PDE5A: variants seen among roughly 807,000 people sequenced by gnomAD.
PDE5A encodes cGMP-specific 3',5'-cyclic phosphodiesterase.
In PDE5A, 67 loss-of-function variants were observed where a neutral mutation model predicts 110.2. The observed-to-expected ratio is 0.61, with a 90% CI of 0.50 to 0.75. The LOEUF (loss-of-function observed/expected upper bound fraction) is 0.75, where lower values mean the gene tolerates loss of function less well. Among genes scored for constraint, PDE5A ranks in the 30% least tolerant of loss-of-function variants. The probability of loss-of-function intolerance (pLI) is 0.00; values close to 1 mark genes in which losing one functional copy is unlikely to be tolerated. For missense variants in PDE5A, 862 were observed against 1,045.1 expected, an observed-to-expected ratio of 0.82 and a Z score of 2.42; for synonymous variants, 328 against 351.2, an observed-to-expected ratio of 0.93 and a Z score of 0.74.
rs545532309 is a variant in PDE5A, at chr4:119,568,746, C to G, written c.832-1602G>C. Among the ~76,000 whole-genome samples, 37 of 152,156 alleles carry G rather than the reference C, an allele frequency of 2.4e-4. No individual in the cohort carries two copies. The South Asian group carries it at 4.2e-3, about 17-fold the overall frequency. Reference sequence around the variant, plus strand: ...CAAAGTAAAGACATAAACTTTAAATCTGTGTTTTAAGAAAGATGAGTTTCA... The same window carrying G: ...CAAAGTAAAGACATAAACTTTAAATGTGTGTTTTAAGAAAGATGAGTTTCA... On this transcript the variant is annotated intron_variant, in intron 3 of 20. Coordinates refer to ENST00000354960, the MANE Select transcript of PDE5A (RefSeq NM_001083.4).
chr4:119,540,171 A>C (rs929143905), intron 10 of PDE5A, among the ~76,000 whole-genome samples: 4 of 152,108 alleles, frequency 2.6e-5, no homozygotes, highest in Admixed American at 2.0e-4. Flanking sequence ...TACAAAAAAA[A>C]CCCCAAAAGC....
At chr4:119,562,791 TTCTG>T in intron 6 of PDE5A, 38 bp downstream of exon 6, 3 of 1,454,270 alleles carry the variant, frequency 2.1e-6, no homozygotes, top group Non-Finnish European at 2.7e-6. Flanking sequence ...AAATATAAGT[TTCTG>T]TCTTTCTAAA....
intron 9 of PDE5A, chr4:119,549,325 C>G (rs2110493323): frequency 6.6e-6 from 1 of 152,240 alleles, no homozygotes; most frequent in South Asian, 2.1e-4. Context: ...AACAGGCTAA[C>G]AGAACAAGTT....
chr4:119,585,954 T>TGA (rs2110525994), intron 3 of PDE5A, among the ~76,000 whole-genome samples: 1 of 152,246 alleles, frequency 6.6e-6, no homozygotes, highest in Admixed American at 6.5e-5. Flanking sequence ...CAAGAACCTC[T>TGA]TGAAAATGGA....
intron 3 of PDE5A, among the ~76,000 whole-genome samples, chr4:119,582,261 T>G (rs1185814669): frequency 6.6e-6 from 1 of 152,216 alleles, no homozygotes; most frequent in Non-Finnish European, 1.5e-5. Flanking sequence ...ACAGCAGGGA[T>G]AGAGTCCATC....
chr4:119,573,215 T>C (rs1165530764), intron 3 of PDE5A, among the ~76,000 whole-genome samples: 1 of 152,212 alleles, frequency 6.6e-6, no homozygotes, highest in African/African-American at 2.4e-5. Context: ...AGAAACATCT[T>C]TGATTTTCTT....
In PDE5A at chr4:119,606,694, T is replaced by C. The variant is rs1160091511; in HGVS notation, c.741+15A>G. The stretch of plus-strand genomic sequence containing the variant: ...CTCCCCAGCACTGGTCCTGCTCTCA[T>C]GCTCCCCTGTTTACCTCATATGCAT... On this transcript the variant is annotated intron_variant, in intron 2 of 20. Coordinates refer to ENST00000354960, the MANE Select transcript of PDE5A (RefSeq NM_001083.4). 1.9e-6 allele frequency: 3 copies of C among 1,597,470 alleles called. No individual in the cohort carries two copies. The highest frequency in any genetic ancestry group is 1.1e-5 in the South Asian group (1 of 90,328).
chr4:119,553,396 A>C (rs1318261841), intron 8 of PDE5A, among the ~76,000 whole-genome samples: 1 of 152,158 alleles, frequency 6.6e-6, no homozygotes, highest in Non-Finnish European at 1.5e-5. Flanking sequence ...TACTTCAAAA[A>C]TAGTACGGTA....
intron 16 of PDE5A, 51 bp downstream of exon 16, chr4:119,507,553 C>A: frequency 8.3e-7 from 1 of 1,209,728 alleles, no homozygotes; most frequent in Non-Finnish European, 1.2e-6. Flanking sequence ...AAGTTTGAAA[C>A]AATGAAAAGA....
chr4:119,559,855 C>T (rs1259574348), intron 7 of PDE5A, among the ~76,000 whole-genome samples: 1 of 151,582 alleles, frequency 6.6e-6, no homozygotes, highest in Non-Finnish European at 1.5e-5. Flanking sequence ...TCAGAAAACT[C>T]TCTGGTTAGA....
intron 3 of PDE5A, 105 bp from the exon 4 acceptor site, chr4:119,567,249 A>G: frequency 2.5e-6 from 2 of 799,168 alleles, no homozygotes; most frequent in South Asian, 1.6e-5. Flanking sequence ...GCTTTAAAAT[A>G]ACACTAGTCT....
intron 2 of PDE5A, among the ~76,000 whole-genome samples, chr4:119,597,326 G>A (rs200093785): frequency 7.1e-6 from 1 of 140,224 alleles, no homozygotes. Flanking sequence ...TTCTTTTTTT[G>A]TTCATTACTG....
chr4:119,542,950 T>C, intron 9 of PDE5A: 1 of 232,652 alleles, frequency 4.3e-6, no homozygotes, highest in South Asian at 7.9e-5. Context: ...GCTAATTGGA[T>C]TTTTGTACAC....
intron 14 of PDE5A, among the ~76,000 whole-genome samples, chr4:119,514,103 G>A (rs2110464281): frequency 6.6e-6 from 1 of 152,206 alleles, no homozygotes; most frequent in African/African-American, 2.4e-5. Context: ...ACAGAATTTT[G>A]TTCTCACACT....
chr4:119,548,575 A>G (rs949574067), intron 9 of PDE5A: 15 of 152,326 alleles, frequency 9.8e-5, no homozygotes, highest in African/African-American at 2.6e-4. Context: ...CAAATGACGT[A>G]TACTTCACAG....
chr4:119,507,709 A>T lies in PDE5A; in HGVS notation c.2089-5T>A. ...GCCACTGAGAATCTGATTGCCCTTT[A>T]TAAAAAAAGAAAACCAGTATTAACA... is the stretch of plus-strand genomic sequence containing the variant. On this transcript the variant is annotated splice_polypyrimidine_tract_variant and splice_region_variant and intron_variant, in intron 15 of 20. Transcript: ENST00000354960. 6.4e-7 allele frequency: 1 copy of T among 1,563,490 alleles called. No homozygotes were observed. The highest frequency in any genetic ancestry group is 1.4e-5 in the African/African-American group (1 of 71,682).
chr4:119,607,640 G>A (rs1037609004), intron 1 of PDE5A, among the ~76,000 whole-genome samples: 1 of 152,060 alleles, frequency 6.6e-6, no homozygotes, highest in African/African-American at 2.4e-5. Flanking sequence ...GGGAGACTGA[G>A]GCAGGAGGGT....
chr4:119,585,075 AC>A (rs1225995740), intron 3 of PDE5A, among the ~76,000 whole-genome samples: 2 of 152,122 alleles, frequency 1.3e-5, no homozygotes, highest in Admixed American at 6.5e-5. Context: ...GGAGTTTGAG[AC>A]CTGCCTGGCC....
chr4:119,497,873 A>G lies in PDE5A; in HGVS notation c.*728T>C, dbSNP rs1725134812. The G allele has an allele frequency of 6.6e-6, 1 of 152,188 alleles. No homozygotes were observed. Among genetic ancestry groups the G allele is most frequent in the Non-Finnish European group, 1.5e-5 (1 of 68,034 alleles). The allele number at this position is 152,188 out of a possible 1,614,324, so 9.4% of individuals were successfully genotyped here. A position where few individuals can be genotyped will look rare whatever the true frequency, so the allele number is the denominator to read the frequency against. ...CCTCAATCAAGTCAGTGACTGGATCATCTCCTAAGGTTTCACCTGCTTTGC... is the reference window on the plus strand; with the variant it reads ...CCTCAATCAAGTCAGTGACTGGATCGTCTCCTAAGGTTTCACCTGCTTTGC... On this transcript the variant is annotated 3_prime_UTR_variant, in exon 21 of 21. Transcript: ENST00000354960.
Sources: allele counts gnomAD v4.1 joint callset (sites outside exome capture counted in the v4.1 genomes callset), GRCh38; gene constraint gnomAD v4.1.1; transcripts MANE v1.5; gene names NCBI Gene and HGNC (gene_info 2026-07-23, HGNC 2026-07-21).